KGD4: variants seen among roughly 807,000 people sequenced by gnomAD.
KGD4 encodes alpha-ketoglutarate dehydrogenase component 4.
chr5:69,228,739 G>A, the KGD4 span, among the ~76,000 whole-genome samples: 1 of 152,138 alleles, frequency 6.6e-6, no homozygotes, highest in Non-Finnish European at 1.5e-5. Flanking sequence ...AGAGGGCTGG[G>A]CATGGTGGCT....
At chr5:69,222,094 A>G in the KGD4 span, among the ~76,000 whole-genome samples, 1 of 151,458 alleles carries the variant, frequency 6.6e-6, no homozygotes, top group African/African-American at 2.4e-5. Context: ...GTATTTGGCA[A>G]CTGTTACTTG....
the KGD4 span, among the ~76,000 whole-genome samples, chr5:69,218,373 G>A: frequency 4.6e-5 from 7 of 152,352 alleles, no homozygotes; most frequent in South Asian, 1.4e-3. Flanking sequence ...TCGCCGGAGC[G>A]GGTTCTCCCC....
the KGD4 span, among the ~76,000 whole-genome samples, chr5:69,225,030 T>A: frequency 6.8e-6 from 1 of 146,652 alleles, no homozygotes; most frequent in Non-Finnish European, 1.5e-5. Flanking sequence ...GCTGAGATCG[T>A]GCCGCTGCAC....
At chr5:69,218,452 ATGTGTGTGTGTATATTAATGTGTG>A in the KGD4 span, among the ~76,000 whole-genome samples, 3 of 139,936 alleles carry the variant, frequency 2.1e-5, no homozygotes, top group East Asian at 2.1e-4. Context: ...TTTAATTAGT[ATGTGTGTGTGTATATTAATGTGTG>A]TGTGTGTGTG....
chr5:69,228,459 T>C, the KGD4 span: 3 of 1,389,008 alleles, frequency 2.2e-6, no homozygotes, highest in Admixed American at 2.3e-5. Flanking sequence ...TTTCATTTGC[T>C]GATTTACATG....
chr5:69,220,154 G>A, the KGD4 span, among the ~76,000 whole-genome samples: 1 of 151,748 alleles, frequency 6.6e-6, no homozygotes, highest in Admixed American at 6.6e-5. Flanking sequence ...TTGAGCCTGG[G>A]TGATCAAGGC....
At chr5:69,229,338 A>G in the KGD4 span, 1 of 849,444 alleles carries the variant, frequency 1.2e-6, no homozygotes, top group Non-Finnish European at 1.8e-6. Flanking sequence ...TATTATGAAA[A>G]AAATGAAATA....
chr5:69,223,676 C>T, the KGD4 span, among the ~76,000 whole-genome samples: 1 of 93,668 alleles, frequency 1.1e-5, no homozygotes, highest in Non-Finnish European at 2.3e-5. Context: ...TTGACAGGTC[C>T]ATTTAAGGTC....
the KGD4 span, among the ~76,000 whole-genome samples, chr5:69,226,871 C>CTATTT: frequency 1.3e-5 from 2 of 151,802 alleles, no homozygotes; most frequent in South Asian, 4.2e-4. Context: ...ATTATTACCT[C>CTATTT]TATTTTATTT....
At chr5:69,221,188 TAAAAA>T in the KGD4 span, among the ~76,000 whole-genome samples, 1 of 131,038 alleles carries the variant, frequency 7.6e-6, no homozygotes, top group Admixed American at 7.7e-5. Flanking sequence ...CAATAAATAC[TAAAAA>T]AAAAAAAAAA....
At chr5:69,225,613 C>T in the KGD4 span, among the ~76,000 whole-genome samples, 3 of 148,610 alleles carry the variant, frequency 2.0e-5, no homozygotes, top group Non-Finnish European at 4.4e-5. Flanking sequence ...CTCTGTAGCC[C>T]AGGCTAGAGT....
chr5:69,226,992 A>C, the KGD4 span, among the ~76,000 whole-genome samples: 12 of 152,124 alleles, frequency 7.9e-5, no homozygotes, highest in South Asian at 2.5e-3. Flanking sequence ...GTGCTTCAGC[A>C]TCCTTAGTAG....
the KGD4 span, among the ~76,000 whole-genome samples, chr5:69,218,633 G>C: frequency 5.3e-5 from 8 of 152,070 alleles, no homozygotes; most frequent in African/African-American, 1.9e-4. Flanking sequence ...TCTAACTTAG[G>C]TAAAATTATT....
chr5:69,219,760 C>T, the KGD4 span, among the ~76,000 whole-genome samples: 50 of 152,210 alleles, frequency 3.3e-4, no homozygotes, highest in African/African-American at 9.9e-4. Flanking sequence ...AGGAGTTTGA[C>T]GCTGCAGTGA....
At chr5:69,220,649 G>T in the KGD4 span, among the ~76,000 whole-genome samples, 1 of 152,170 alleles carries the variant, frequency 6.6e-6, no homozygotes, top group South Asian at 2.1e-4. Context: ...CAAGTGTGAA[G>T]TGACAGCCTT....
the KGD4 span, chr5:69,217,952 G>A: frequency 5.4e-5 from 87 of 1,609,712 alleles, no homozygotes; most frequent in African/African-American, 1.1e-3. Flanking sequence ...GAGTAAAGGC[G>A]GTGGCAGAGG....
the KGD4 span, chr5:69,226,280 G>C: frequency 1.7e-6 from 2 of 1,198,200 alleles, no homozygotes; most frequent in Non-Finnish European, 2.4e-6. Flanking sequence ...ATGAGGTTTA[G>C]TAGATCATTT....
chr5:69,218,760 A>G, the KGD4 span, among the ~76,000 whole-genome samples: 1 of 152,208 alleles, frequency 6.6e-6, no homozygotes, highest in African/African-American at 2.4e-5. Context: ...ATTCCGCTTT[A>G]TATAAGTACA....
the KGD4 span, among the ~76,000 whole-genome samples, chr5:69,221,216 A>T: frequency 6.6e-6 from 1 of 151,184 alleles, no homozygotes; most frequent in Non-Finnish European, 1.5e-5. Flanking sequence ...TTAGCCAGGC[A>T]GGAGGGGTAG....
Sources: allele counts gnomAD v4.1 joint callset (sites outside exome capture counted in the v4.1 genomes callset), GRCh38; gene constraint gnomAD v4.1.1; transcripts MANE v1.5; gene names NCBI Gene and HGNC (gene_info 2026-07-23, HGNC 2026-07-21).